The following SENP5 variants were observed in gnomAD, a reference collection of about 807,000 sequenced individuals.
SENP5 encodes SUMO specific peptidase 5, also known as sentrin-specific protease 5.
A neutral mutation model predicts 74.2 loss-of-function variants in SENP5; 21 were observed. The ratio of observed to expected loss-of-function variants is 0.28; its 90% CI spans 0.20 to 0.41. The LOEUF is 0.41. Ranked by LOEUF, SENP5 falls within the 10% of genes least tolerant of loss-of-function variation. The pLI, the probability that SENP5 is intolerant of heterozygous loss-of-function variation, is 1.00. For synonymous variants in SENP5, 311 were observed against 312.7 expected (o/e 0.99, Z 0.06); for missense variants, 717 against 889.1 (o/e 0.81, Z 2.46).
chr3:196,918,977 G>GTGTC (rs1553826361), intron 6 of SENP5, among the ~76,000 whole-genome samples: 1 of 151,624 alleles, frequency 6.6e-6, no homozygotes. Context: ...ATGTATGTGT[G>GTGTC]TATCTATCTA....
chr3:196,896,751 GTC>G, intron 2 of SENP5, among the ~76,000 whole-genome samples: 1 of 152,104 alleles, frequency 6.6e-6, no homozygotes, highest in South Asian at 2.1e-4. Flanking sequence ...CTGGCCCAGT[GTC>G]TCTATTTGTA....
rs144047947 is a variant in SENP5 at position 196,909,198 on chromosome 3, C to G, written c.1884+5588C>G. Among the ~76,000 whole-genome samples the G allele has an allele frequency of 4.3e-4, 66 of 152,192 alleles. 1 individual carries two copies. Among genetic ancestry groups the G allele is most frequent in the African/African-American group, 1.6e-3 (66 of 41,534 alleles). ...AAATTCCTGGACACATACACCTTCC[C>G]AAGACTAAATCAGGAAGAAGTGGAA... On this transcript the variant is annotated intron_variant, in intron 6 of 9. Transcript: ENST00000323460.
chr3:196,875,356 C>T (rs922891280), intron 1 of SENP5, among the ~76,000 whole-genome samples: 11 of 152,198 alleles, frequency 7.2e-5, no homozygotes, highest in Non-Finnish European at 1.5e-4. Flanking sequence ...TAACAGATTC[C>T]TAATGGGTTT....
At chr3:196,894,185 G>A (rs1044606440) in intron 2 of SENP5, among the ~76,000 whole-genome samples, 2 of 143,694 alleles carry the variant, frequency 1.4e-5, no homozygotes, top group Non-Finnish European at 3.0e-5. Flanking sequence ...GTGCAGTGGC[G>A]TGATCTCGGC....
chr3:196,931,870 A>C lies in SENP5; in HGVS notation c.*947A>C, dbSNP rs1251957356. 2.2e-6 allele frequency: 1 copy of C among 447,828 alleles called. No individual in the cohort carries two copies. The highest frequency in any genetic ancestry group is 2.0e-5 in the African/African-American group (1 of 49,434). The allele number at this position is 447,828 out of a possible 1,614,324, so 27.7% of individuals were successfully genotyped here. On this transcript the variant is annotated 3_prime_UTR_variant, in exon 10 of 10. Coordinates refer to ENST00000323460, the MANE Select transcript of SENP5 (RefSeq NM_152699.5). Reference sequence around the variant, plus strand: ...TCTATTTCAAGGGTATCTGAAACGTAAACATTCAAAACTGAAGGCTGACTG... The same window carrying C: ...TCTATTTCAAGGGTATCTGAAACGTCAACATTCAAAACTGAAGGCTGACTG...
chr3:196,927,936 G>C (rs1327042202), intron 8 of SENP5, 57 bp downstream of exon 8: 1 of 1,147,176 alleles, frequency 8.7e-7, no homozygotes, highest in Non-Finnish European at 1.3e-6. Context: ...ATTATCTAAG[G>C]GTGGGTGCCT....
intron 7 of SENP5, 49 bp downstream of exon 7, chr3:196,923,600 A>ATAGCATCT (rs766213531): frequency 7.7e-7 from 1 of 1,302,636 alleles, no homozygotes; most frequent in Non-Finnish European, 1.1e-6. Flanking sequence ...AATTGGCCAA[A>ATAGCATCT]TAGCATCTTA....
rs899744867 is a variant in SENP5, at chr3:196,885,505, A to G, written c.324A>G (p.Ser108=). 1 of 1,614,134 alleles carries G rather than the reference A, an allele frequency of 6.2e-7. No individual in the cohort carries two copies. Among genetic ancestry groups the G allele is most frequent in the Non-Finnish European group, 8.5e-7 (1 of 1,180,034 alleles). The change falls in exon 2 of 10, where the codon TCA becomes TCG. Residue 108 remains serine, a synonymous_variant. Coordinates refer to ENST00000323460, the MANE Select transcript of SENP5 (RefSeq NM_152699.5). ...RKDAKHFISS[S]KTLLRLQAEK... is the part of the protein sequence containing the mutation. ...ACGCTAAACACTTCATTTCCTCCTC[A>G]AAGACTCTCCTGAGACTCCAAGCAG...
At position 196,923,812 on chromosome 3, in the gene SENP5, A is replaced by T. The variant is rs1046040712; in HGVS notation, c.2022+261A>T. Among the ~76,000 whole-genome samples, 4 of 152,232 alleles carry T rather than the reference A, an allele frequency of 2.6e-5. No individual in the cohort carries two copies. In the East Asian group the frequency reaches 7.7e-4, roughly 29 times the overall value. Reference sequence around the variant, plus strand: ...TTAAAACTACATCTTGAATGTGGTTAGAAATTGTTTTTCTTTGATCATCTT... The same window carrying T: ...TTAAAACTACATCTTGAATGTGGTTTGAAATTGTTTTTCTTTGATCATCTT... On this transcript the variant is annotated intron_variant, in intron 7 of 9. Transcript: ENST00000323460.
chr3:196,897,958 G>C (rs561976637), intron 2 of SENP5, among the ~76,000 whole-genome samples: 16 of 151,996 alleles, frequency 1.1e-4, no homozygotes, highest in African/African-American at 3.9e-4. Flanking sequence ...GATCACCTGA[G>C]GTCAGGAGTT....
At chr3:196,922,334 C>CT (rs1182853216) in intron 6 of SENP5, among the ~76,000 whole-genome samples, 1 of 152,202 alleles carries the variant, frequency 6.6e-6, no homozygotes, top group Non-Finnish European at 1.5e-5. Context: ...ACAATTTGAA[C>CT]TTGAGCAGAC....
chr3:196,895,192 T>G (rs1435150532), intron 2 of SENP5, among the ~76,000 whole-genome samples: 4 of 23,026 alleles, frequency 1.7e-4, no homozygotes, highest in East Asian at 1.3e-3. Flanking sequence ...TTTAACTTCT[T>G]TTTTTTTTTT....
chr3:196,903,329 A>C (rs1200064044), intron 5 of SENP5, among the ~76,000 whole-genome samples: 5 of 152,122 alleles, frequency 3.3e-5, no homozygotes, highest in Non-Finnish European at 5.9e-5. Flanking sequence ...TAGGAGAGAC[A>C]GTGTCTCACC....
At chr3:196,897,296 G>A (rs529692254) in intron 2 of SENP5, among the ~76,000 whole-genome samples, 89 of 152,254 alleles carry the variant, frequency 5.8e-4, no homozygotes, top group Non-Finnish European at 1.1e-3. Context: ...GTTATGATTA[G>A]GTAACTGTAA....
At chr3:196,881,730 AT>A (rs763320028) in intron 1 of SENP5, among the ~76,000 whole-genome samples, 13 of 150,238 alleles carry the variant, frequency 8.7e-5, no homozygotes, top group Non-Finnish European at 1.3e-4. Context: ...TTCATTTATT[AT>A]TTTTTTTAAC....
chr3:196,930,808 T>C lies in SENP5; in HGVS notation c.2158-5T>C. ...GAAGTGTTTCTGGGACCTTTTTTTT[T>C]GCAGTACTGCAAGTGCCTCGCCTTA... On this transcript the variant is annotated splice_region_variant and splice_polypyrimidine_tract_variant and intron_variant, in intron 9 of 9. Transcript: ENST00000323460. The C allele has an allele frequency of 6.5e-7, 1 of 1,528,612 alleles. No homozygotes were observed. Among genetic ancestry groups the C allele is most frequent in the East Asian group, 2.3e-5 (1 of 44,184 alleles). 94.7% of individuals were successfully genotyped at this position (1,528,612 alleles called of 1,614,324 possible).
At chr3:196,915,587 A>G (rs117075129) in intron 6 of SENP5, among the ~76,000 whole-genome samples, 43 of 152,316 alleles carry the variant, frequency 2.8e-4, no homozygotes, top group Middle Eastern at 3.4e-3. Context: ...GAGTTGCCAC[A>G]TGCCTTGGGC....
At chr3:196,914,586 A>AAAAAATATATATATATAT in intron 6 of SENP5, 11 of 33,488 alleles carry the variant, frequency 3.3e-4, no homozygotes, top group Non-Finnish European at 4.6e-4. Flanking sequence ...AAAAAAAAAA[A>AAAAAATATATATATATAT]ATATATATAT....
intron 6 of SENP5, among the ~76,000 whole-genome samples, chr3:196,910,172 A>C (rs1213758438): frequency 1.3e-5 from 2 of 151,928 alleles, no homozygotes; most frequent in Non-Finnish European, 2.9e-5. Context: ...AGAATAAAAT[A>C]CCTAGGAATA....
Sources: gnomAD v4.1 joint callset for allele counts (sites outside exome capture counted in the v4.1 genomes callset) on GRCh38, gnomAD v4.1.1 for gene constraint, MANE v1.5 for transcripts, NCBI Gene and HGNC (gene_info 2026-07-23, HGNC 2026-07-21) for gene names.